The following TGFA variants were observed in gnomAD, a reference collection of about 807,000 sequenced individuals.
TGFA encodes protransforming growth factor alpha.
A neutral mutation model predicts 21.7 loss-of-function variants in TGFA; 12 were observed. The ratio of observed to expected loss-of-function variants is 0.55; its 90% CI spans 0.35 to 0.90. TGFA has a LOEUF of 0.90. Among genes scored for constraint, TGFA ranks in the 40% least tolerant of loss-of-function variants. TGFA has a pLI of 0.01. For missense variants in TGFA, 178 were observed against 210.8 expected, an observed-to-expected ratio of 0.84 and a Z score of 0.96; for synonymous variants, 79 against 88.1, an observed-to-expected ratio of 0.90 and a Z score of 0.58.
chr2:70,545,122 AG>A (rs2103944350), intron 1 of TGFA, among the ~76,000 whole-genome samples: 1 of 152,310 alleles, frequency 6.6e-6, no homozygotes, highest in Non-Finnish European at 1.5e-5. Context: ...AAAATATCTC[AG>A]GTACCCTATA....
intron 2 of TGFA, among the ~76,000 whole-genome samples, chr2:70,496,959 G>C (rs1446207518): frequency 6.6e-6 from 1 of 152,228 alleles, no homozygotes; most frequent in African/African-American, 2.4e-5. Context: ...GAATCACCAT[G>C]CAGGGAAAAC....
chr2:70,551,619 A>G (rs1673511670), intron 1 of TGFA, among the ~76,000 whole-genome samples: 1 of 152,248 alleles, frequency 6.6e-6, no homozygotes, highest in Non-Finnish European at 1.5e-5. Flanking sequence ...CAGCAGTTCT[A>G]GTAAACGCAC....
At chr2:70,553,600 A>G in intron 1 of TGFA, 128 bp downstream of exon 1, 1 of 1,315,840 alleles carries the variant, frequency 7.6e-7, no homozygotes, top group South Asian at 2.3e-5. Flanking sequence ...GCGCCAACCC[A>G]TTGAGACTAC....
chr2:70,483,947 C>A (rs1178704543), intron 2 of TGFA, among the ~76,000 whole-genome samples: 1 of 152,126 alleles, frequency 6.6e-6, no homozygotes, highest in Non-Finnish European at 1.5e-5. Context: ...AGTCTCTCTC[C>A]CCTTTACTTT....
At position 70,448,547 on chromosome 2, in the gene TGFA, C is replaced by T. The variant is rs573104431; in HGVS notation, c.*2312G>A. 6.6e-6 allele frequency: 1 copy of T among 152,350 alleles called. No individual in the cohort carries two copies. The highest frequency in any genetic ancestry group is 2.4e-5 in the African/African-American group (1 of 41,580). The allele number at this position is 152,350 out of a possible 1,614,324, so 9.4% of individuals were successfully genotyped here. On this transcript the variant is annotated 3_prime_UTR_variant, in exon 6 of 6. Transcript: ENST00000295400. ...GAGTATTTTTGCAGCTAACCAAAGA[C>T]TACCATTGCCATTAAATGGCAGAGG... is the stretch of plus-strand genomic sequence containing the variant.
chr2:70,472,039 C>T (rs1422121932), intron 2 of TGFA, among the ~76,000 whole-genome samples: 1 of 152,096 alleles, frequency 6.6e-6, no homozygotes, highest in East Asian at 1.9e-4. Context: ...TCCCTTCACT[C>T]TCCCTTTCCC....
chr2:70,453,425 C>T (rs1670124982), intron 4 of TGFA, 98 bp from the exon 5 acceptor site: 1 of 1,057,504 alleles, frequency 9.5e-7, no homozygotes, highest in African/African-American at 1.6e-5. Flanking sequence ...AGCTCCAGCT[C>T]TAAACCAGCT....
intron 1 of TGFA, among the ~76,000 whole-genome samples, chr2:70,532,311 T>C (rs1395548338): frequency 6.6e-6 from 1 of 152,218 alleles, no homozygotes; most frequent in Non-Finnish European, 1.5e-5. Context: ...AATTATCTTA[T>C]TGGGAACCTA....
intron 3 of TGFA, among the ~76,000 whole-genome samples, chr2:70,461,093 T>C (rs565113010): frequency 6.6e-6 from 1 of 152,304 alleles, no homozygotes; most frequent in South Asian, 2.1e-4. Context: ...AGTATTAGTA[T>C]CCTCATTTTG....
At chr2:70,537,316 A>T (rs1274708036) in intron 1 of TGFA, among the ~76,000 whole-genome samples, 1 of 152,174 alleles carries the variant, frequency 6.6e-6, no homozygotes, top group Non-Finnish European at 1.5e-5. Flanking sequence ...AAACTAGGCC[A>T]ATCAATAAAC....
rs140460096 is a variant in TGFA, at chr2:70,548,371, A to G, written c.40+5357T>C. ...CCAATCAACATTAATCCAAACCAGAACACAGTGGGGCCAGGGCTCTGCTAC... is the reference window on the plus strand; with the variant it reads ...CCAATCAACATTAATCCAAACCAGAGCACAGTGGGGCCAGGGCTCTGCTAC... On this transcript the variant is annotated intron_variant, in intron 1 of 5. Coordinates refer to ENST00000295400, the MANE Select transcript of TGFA (RefSeq NM_003236.4). Among the ~76,000 whole-genome samples the G allele has an allele frequency of 2.0e-4, 30 of 152,282 alleles. No homozygotes were observed. In the East Asian group the frequency reaches 4.6e-3, roughly 24 times the overall value.
chr2:70,500,460 A>T (rs915915741), intron 2 of TGFA, among the ~76,000 whole-genome samples: 6 of 72,846 alleles, frequency 8.2e-5, no homozygotes, highest in Admixed American at 3.6e-4. Flanking sequence ...AGCAGAGTTT[A>T]AAAAAAAAAA....
chr2:70,513,155 C>A (rs1026191016), intron 2 of TGFA, among the ~76,000 whole-genome samples: 2 of 152,150 alleles, frequency 1.3e-5, no homozygotes, highest in African/African-American at 2.4e-5. Flanking sequence ...AGTGGTAACC[C>A]CCAACTGGCC....
intron 1 of TGFA, among the ~76,000 whole-genome samples, chr2:70,518,915 C>T (rs1245275177): frequency 6.6e-6 from 1 of 152,194 alleles, no homozygotes; most frequent in Admixed American, 6.5e-5. Flanking sequence ...ATCAAGAGCT[C>T]TACCTTTCAC....
At chr2:70,518,959 T>G (rs1672370046) in intron 1 of TGFA, among the ~76,000 whole-genome samples, 1 of 152,178 alleles carries the variant, frequency 6.6e-6, no homozygotes, top group Non-Finnish European at 1.5e-5. Flanking sequence ...ACTTCCTGCA[T>G]GAAGGGATGA....
At chr2:70,492,696 G>A (rs1036237332) in intron 2 of TGFA, among the ~76,000 whole-genome samples, 5 of 152,168 alleles carry the variant, frequency 3.3e-5, no homozygotes, top group Admixed American at 1.3e-4. Flanking sequence ...TTCGTGTAAA[G>A]TAGGGGTTTT....
chr2:70,474,968 C>CTGTG (rs1559108483), intron 2 of TGFA, among the ~76,000 whole-genome samples: 1 of 88,522 alleles, frequency 1.1e-5, no homozygotes, highest in African/African-American at 5.2e-5. Flanking sequence ...AACACAGCAG[C>CTGTG]CGTGTGTGTG....
intron 2 of TGFA, among the ~76,000 whole-genome samples, chr2:70,501,255 A>C (rs1671730021): frequency 7.1e-6 from 1 of 140,032 alleles, no homozygotes; most frequent in African/African-American, 2.8e-5. Flanking sequence ...CTTTGCTTGC[A>C]ATTTTTTTTT....
At chr2:70,510,373 T>C (rs192842702) in intron 2 of TGFA, among the ~76,000 whole-genome samples, 50 of 152,182 alleles carry the variant, frequency 3.3e-4, no homozygotes, top group African/African-American at 9.2e-4. Flanking sequence ...GTGCAGTACT[T>C]CCTAAAACCT....
Sources: allele counts gnomAD v4.1 joint callset (sites outside exome capture counted in the v4.1 genomes callset), GRCh38; gene constraint gnomAD v4.1.1; transcripts MANE v1.5; gene names NCBI Gene and HGNC (gene_info 2026-07-23, HGNC 2026-07-21).